The following PPIE variants were observed in gnomAD, a reference collection of about 807,000 sequenced individuals.
PPIE encodes peptidyl-prolyl cis-trans isomerase E.
A neutral mutation model predicts 38.4 loss-of-function variants in PPIE; 20 were observed. The observed-to-expected ratio is 0.52, with a 90% CI of 0.37 to 0.76. The LOEUF is 0.76. Among genes scored for constraint, PPIE ranks in the 30% least tolerant of loss-of-function variants. The probability of loss-of-function intolerance (pLI) is 0.00; values close to 1 mark genes in which losing one functional copy is unlikely to be tolerated. For missense variants in PPIE, 322 were observed against 385.8 expected (o/e 0.83, Z 1.39); for synonymous variants, 142 against 135.7 (o/e 1.05, Z -0.32).
rs41264515 is a variant in PPIE at position 39,745,767 on chromosome 1, T to C, written c.508+269T>C. 890 of 356,174 alleles carry C rather than the reference T, an allele frequency of 2.5e-3. 3 individuals are homozygous for C. The highest frequency in any genetic ancestry group is 3.7e-3 in the Non-Finnish European group (726 of 196,312). The allele number at this position is 356,174 out of a possible 1,614,324, so 22.1% of individuals were successfully genotyped here. Reference sequence around the variant, plus strand: ...TTTTTTAAAGAATAGCATATACATATATTCCAATAATATTTAAGACAATAA... The same window carrying C: ...TTTTTTAAAGAATAGCATATACATACATTCCAATAATATTTAAGACAATAA... On this transcript the variant is annotated intron_variant, in intron 7 of 9. Transcript: ENST00000324379.
intron 6 of PPIE, among the ~76,000 whole-genome samples, chr1:39,744,796 G>T (rs12086750): frequency 6.6e-6 from 1 of 152,022 alleles, no homozygotes; most frequent in African/African-American, 2.4e-5. Flanking sequence ...CACAGTCAGT[G>T]GAGTCCCCCT....
Position 39,755,459 on chromosome 1 carries a change from C to T in PPIE, c.*2104C>T, listed in dbSNP as rs1055129587. ...GATATACTACATGGTTACCCCTCAC[C>T]CCTATGGAGCTTCCAAAAGAGACCC... On this transcript the variant is annotated 3_prime_UTR_variant, in exon 10 of 10. Coordinates refer to ENST00000324379, the MANE Select transcript of PPIE (RefSeq NM_006112.4). 1 of 985,418 alleles carries T rather than the reference C, an allele frequency of 1.0e-6. No individual in the cohort carries two copies. The allele number at this position is 985,418 out of a possible 1,614,324, so 61.0% of individuals were successfully genotyped here.
intron 5 of PPIE, 117 bp from the exon 6 acceptor site, chr1:39,743,707 T>TG (rs1377518662): frequency 2.7e-6 from 2 of 753,330 alleles, no homozygotes; most frequent in Non-Finnish European, 2.2e-6. Flanking sequence ...GAGTTCTCAG[T>TG]GGGGAATTGT....
downstream of PPIE, chr1:39,760,250 A>G: frequency 8.8e-7 from 1 of 1,133,566 alleles, no homozygotes; most frequent in Non-Finnish European, 1.2e-6. Context: ...TGGCAGGGCA[A>G]GGGGAGCATA....
At position 39,754,938 on chromosome 1, in the gene PPIE, A is replaced by T; in HGVS notation, c.*1583A>T. On this transcript the variant is annotated 3_prime_UTR_variant, in exon 10 of 10. Transcript: ENST00000324379. ...TGGATACCATGGCCTAGCCAAATTG[A>T]CACACAAAATAGACCATCACAGTCC... The T allele has an allele frequency of 1.1e-6, 1 of 897,772 alleles. No homozygotes were observed. 55.6% of individuals were successfully genotyped at this position (897,772 alleles called of 1,614,324 possible).
rs944555785 is a variant in PPIE, at chr1:39,753,567, G to A, written c.*212G>A. 1.6e-5 allele frequency: 22 copies of A among 1,389,304 alleles called. No individual in the cohort carries two copies. In the South Asian group the frequency reaches 3.7e-4, roughly 24 times the overall value. The allele number at this position is 1,389,304 out of a possible 1,614,324, so 86.1% of individuals were successfully genotyped here. On this transcript the variant is annotated 3_prime_UTR_variant, in exon 10 of 10. Transcript: ENST00000324379. ...AGCTGTGGGCCCAGGAGCCAGCTCA[G>A]GTGCTCCCCTCCACCATGGGCAGGC... is the stretch of plus-strand genomic sequence containing the variant.
At chr1:39,748,704 C>A in intron 7 of PPIE, 199 bp from the exon 8 acceptor site, 1 of 561,856 alleles carries the variant, frequency 1.8e-6, no homozygotes, top group Non-Finnish European at 3.1e-6. Context: ...CATTGCACTG[C>A]AGCATGGGCA....
Position 39,740,260 on chromosome 1 carries a change from A to G in PPIE, c.127A>G (p.Thr43Ala). Reference protein sequence around the residue: ...TDIQIPLDYETEKHRGFAFVE... With the variant: ...TDIQIPLDYEAEKHRGFAFVE... The stretch of plus-strand genomic sequence containing the variant: ...TATTCAGATTCCTCTGGATTATGAA[A>G]CAGGTGAGTTAGTGTCTCTCACGTT... Residue 43 changes from threonine (T) to alanine (A), a missense_variant, in exon 2 of 10, where the codon ACA becomes GCA. Transcript: ENST00000324379. The G allele has an allele frequency of 6.2e-7, 1 of 1,611,848 alleles. No individual in the cohort carries two copies. Among genetic ancestry groups the G allele is most frequent in the Non-Finnish European group, 8.5e-7 (1 of 1,178,042 alleles).
chr1:39,740,347 G>A (rs1647027908), intron 2 of PPIE, 84 bp downstream of exon 2: 1 of 1,095,956 alleles, frequency 9.1e-7, no homozygotes, highest in South Asian at 1.4e-5. Flanking sequence ...TTCTAAATAT[G>A]CATTCTAAAT....
In PPIE at chr1:39,743,852, G is replaced by T. The variant is rs775953205; in HGVS notation, c.312G>T (p.Lys104Asn). ...PVWSDDDWLKKFSGKTLEENK... is the reference protein window; with the variant it reads ...PVWSDDDWLKNFSGKTLEENK... ...GGTCAGATGATGACTGGTTGAAGAAGTTTTCTGGGAAGACGCTTGAAGAGA... is the reference window on the plus strand; with the variant it reads ...GGTCAGATGATGACTGGTTGAAGAATTTTTCTGGGAAGACGCTTGAAGAGA... Residue 104 changes from lysine (K) to asparagine (N), a missense_variant, in exon 6 of 10, where the codon AAG (lysine) becomes AAT (asparagine). Lys to Asn is a moderately conservative substitution (Grantham distance 94). Transcript: ENST00000324379. The T allele has an allele frequency of 6.2e-7, 1 of 1,613,938 alleles. No individual in the cohort carries two copies. Among genetic ancestry groups the T allele is most frequent in the African/African-American group, 1.3e-5 (1 of 75,026 alleles).
At chr1:39,763,409 T>TCCCCAGCCG (rs1649309059) in intron 9 of PPIE, among the ~76,000 whole-genome samples, 2 of 103,098 alleles carry the variant, frequency 1.9e-5, no homozygotes, top group Non-Finnish European at 5.1e-5. Context: ...GGCCCTCCCC[T>TCCCCAGCCG]GCCCACGCCT....
At chr1:39,744,056 T>G (rs2124312250) in intron 6 of PPIE, 132 bp downstream of exon 6, 1 of 604,940 alleles carries the variant, frequency 1.7e-6, no homozygotes, top group East Asian at 2.9e-5. Context: ...TTCTTAGTAC[T>G]TTGGTAAAGT....
Position 39,752,939 on chromosome 1 carries a change from A to G in PPIE, c.724A>G (p.Asn242Asp). 2.5e-6 allele frequency: 4 copies of G among 1,614,128 alleles called. No individual in the cohort carries two copies. The highest frequency in any genetic ancestry group is 3.4e-6 in the Non-Finnish European group (4 of 1,179,994). The change falls in exon 9 of 10, where the codon AAC becomes GAC. Residue 242 changes from asparagine to aspartate, a missense_variant. Physicochemically the swap from Asn to Asp is conservative, Grantham distance 23 (BLOSUM62 1). Coordinates refer to ENST00000324379, the MANE Select transcript of PPIE (RefSeq NM_006112.4). ...GLLSMANSGP[N>D]TNGSQFFLTC... The stretch of plus-strand genomic sequence containing the variant: ...ACTATCCATGGCCAACTCTGGCCCA[A>G]ACACCAATGGCTCTCAGTTCTTCCT...
At position 39,756,180 on chromosome 1, in the gene PPIE, T is replaced by A; in HGVS notation, c.*2825T>A. 1 of 985,072 alleles carries A rather than the reference T, an allele frequency of 1.0e-6. No homozygotes were observed. The highest frequency in any genetic ancestry group is 1.1e-4 in the East Asian group (1 of 8,808). The allele number at this position is 985,072 out of a possible 1,614,324, so 61.0% of individuals were successfully genotyped here. A position where few individuals can be genotyped will look rare whatever the true frequency, so the allele number is the denominator to read the frequency against. On this transcript the variant is annotated 3_prime_UTR_variant, in exon 10 of 10. Transcript: ENST00000324379. The stretch of plus-strand genomic sequence containing the variant: ...CTGCACCTGGCTGCCTCGGGAAAAC[T>A]CTGACCTCTCTGGGAAGTGGAGCCA...
chr1:39,750,595 TTTTG>T (rs1647622231), intron 8 of PPIE, among the ~76,000 whole-genome samples: 1 of 152,194 alleles, frequency 6.6e-6, no homozygotes, highest in African/African-American at 2.4e-5. Context: ...TTTTGGGGCA[TTTTG>T]GATTTTGGAT....
intron 9 of PPIE, among the ~76,000 whole-genome samples, chr1:39,761,825 C>T (rs1341331639): frequency 3.9e-5 from 6 of 152,254 alleles, no homozygotes; most frequent in Admixed American, 2.6e-4. Context: ...GAGGCGTCAC[C>T]TCCACGGTTG....
intron 7 of PPIE, 91 bp from the exon 8 acceptor site, chr1:39,748,812 C>A: frequency 8.1e-7 from 1 of 1,227,600 alleles, no homozygotes. Flanking sequence ...TATTTTAAAA[C>A]AAAAATATGA....
At chr1:39,758,086 C>T (rs1371794653), downstream of PPIE, 1 of 152,202 alleles carries the variant, frequency 6.6e-6, no homozygotes, top group Non-Finnish European at 1.5e-5. Context: ...TATGCCAGAT[C>T]ATTGGCTGGG....
intron 9 of PPIE, chr1:39,762,696 C>A: frequency 6.8e-7 from 1 of 1,476,132 alleles, no homozygotes; most frequent in South Asian, 1.4e-5. Context: ...GCACACATAT[C>A]ACGGGCGGTC....
Sources: allele counts gnomAD v4.1 joint callset (sites outside exome capture counted in the v4.1 genomes callset), GRCh38; gene constraint gnomAD v4.1.1; transcripts MANE v1.5; gene names NCBI Gene and HGNC (gene_info 2026-07-23, HGNC 2026-07-21).